Variants in NEK1 observed in about 807,000 individuals in gnomAD.
NEK1 encodes the protein serine/threonine-protein kinase Nek1.
NEK1 carries 137 observed loss-of-function variants against 182.1 expected under a neutral mutation model. The ratio of observed to expected loss-of-function variants is 0.75; its 90% CI spans 0.65 to 0.87. The LOEUF (loss-of-function observed/expected upper bound fraction) is 0.87, where lower values mean the gene tolerates loss of function less well. Among genes scored for constraint, NEK1 ranks in the 40% least tolerant of loss-of-function variants. The probability of loss-of-function intolerance (pLI) is 0.00; values close to 1 mark genes in which losing one functional copy is unlikely to be tolerated. For synonymous variants in NEK1, 513 were observed against 492.2 expected, an observed-to-expected ratio of 1.04 and a Z score of -0.56; for missense variants, 1,391 against 1,494.4, an observed-to-expected ratio of 0.93 and a Z score of 1.14.
intron 31 of NEK1, among the ~76,000 whole-genome samples, chr4:169,423,104 CTATT>C (rs1327656583): frequency 6.6e-6 from 1 of 152,052 alleles, no homozygotes; most frequent in African/African-American, 2.4e-5. Context: ...ATCAAAGTGA[CTATT>C]TATTATTTAT....
At chr4:169,588,308 G>A (rs1255049943) in intron 8 of NEK1, among the ~76,000 whole-genome samples, 1 of 152,090 alleles carries the variant, frequency 6.6e-6, no homozygotes, top group Non-Finnish European at 1.5e-5. Flanking sequence ...AAGACTAAGA[G>A]AATACCTAGA....
intron 19 of NEK1, among the ~76,000 whole-genome samples, chr4:169,515,357 T>C (rs139686386): frequency 6.6e-6 from 1 of 152,326 alleles, no homozygotes; most frequent in East Asian, 1.9e-4. Context: ...CTAGTAGTTC[T>C]ATCAATTGCT....
At chr4:169,515,091 T>C (rs1028512181) in intron 19 of NEK1, among the ~76,000 whole-genome samples, 10 of 152,180 alleles carry the variant, frequency 6.6e-5, no homozygotes, top group African/African-American at 2.2e-4. Context: ...TGACCCATGG[T>C]TTATTTAAAA....
intron 19 of NEK1, among the ~76,000 whole-genome samples, chr4:169,532,935 A>G (rs1197664491): frequency 1.3e-5 from 2 of 152,028 alleles, no homozygotes; most frequent in Non-Finnish European, 2.9e-5. Context: ...AGGAAAGGAA[A>G]GGAAAAAGGA....
chr4:169,601,957 G>T, intron 4 of NEK1, 51 bp downstream of exon 4: 2 of 1,307,840 alleles, frequency 1.5e-6, no homozygotes, highest in Non-Finnish European at 1.1e-6. Flanking sequence ...TTCACAAAAA[G>T]ATTTATTAAT....
intron 31 of NEK1, among the ~76,000 whole-genome samples, chr4:169,416,136 C>T (rs1482152354): frequency 6.6e-6 from 1 of 152,224 alleles, no homozygotes; most frequent in Non-Finnish European, 1.5e-5. Flanking sequence ...TTACCTCCTT[C>T]ACATCTGAGT....
intron 7 of NEK1, among the ~76,000 whole-genome samples, chr4:169,589,133 C>T (rs535052915): frequency 2.0e-5 from 3 of 152,118 alleles, no homozygotes; most frequent in Non-Finnish European, 2.9e-5. Context: ...CAAATATATA[C>T]CATTGTGTTA....
At chr4:169,556,738 T>TAAAAAAAAAAA (rs59615019) in intron 16 of NEK1, among the ~76,000 whole-genome samples, 1 of 116,104 alleles carries the variant, frequency 8.6e-6, no homozygotes. Context: ...CACAAAACAG[T>TAAAAAAAAAAA]AAAAAAAAAA....
At chr4:169,451,141 T>C (rs2149466182) in intron 27 of NEK1, among the ~76,000 whole-genome samples, 1 of 152,184 alleles carries the variant, frequency 6.6e-6, no homozygotes, top group South Asian at 2.1e-4. Flanking sequence ...TAAAGCAAGT[T>C]CTTAGATACC....
chr4:169,400,730 C>G, intron 33 of NEK1, 79 bp from the exon 34 acceptor site: 6 of 995,272 alleles, frequency 6.0e-6, no homozygotes, highest in Non-Finnish European at 8.5e-6. Flanking sequence ...AATTCTATGA[C>G]AAATGAATAA....
intron 24 of NEK1, chr4:169,478,510 A>C (rs1747392433): frequency 6.6e-6 from 1 of 152,106 alleles, no homozygotes; most frequent in Non-Finnish European, 1.5e-5. Flanking sequence ...AAAAGTGACT[A>C]AGCCTACTTG....
In NEK1 at chr4:169,507,754, T is replaced by C; in HGVS notation, c.1872A>G (p.Glu624=). The change falls in exon 22 of 36, where the codon GAA becomes GAG. Residue 624 remains glutamate, a synonymous_variant. Coordinates refer to ENST00000507142, the MANE Select transcript of NEK1 (RefSeq NM_001199397.3). ...ANHSEGQEGS[E]EADMRRKKIE... is the part of the protein sequence containing the mutation. ...TTTTTTTGCGCCTCATGTCAGCCTC[T>C]TCACTTCCTTCTTGTCCTTCAGAAT... 1 of 1,613,182 alleles carries C rather than the reference T, an allele frequency of 6.2e-7. No homozygotes were observed. Among genetic ancestry groups the C allele is most frequent in the African/African-American group, 1.3e-5 (1 of 75,036 alleles).
At chr4:169,531,869 T>G (rs541875888) in intron 19 of NEK1, among the ~76,000 whole-genome samples, 24 of 152,322 alleles carry the variant, frequency 1.6e-4, no homozygotes, top group Admixed American at 1.4e-3. Context: ...TAAAAGCATC[T>G]ATTTTGGAAA....
Position 169,597,673 on chromosome 4 carries a change from G to A in NEK1, c.312+1427C>T, listed in dbSNP as rs982662213. On this transcript the variant is annotated intron_variant, in intron 5 of 35. Transcript: ENST00000507142. ...ATCCCAGCCAGGCGCGGTGGCTCAC[G>A]CCTGTAATCCCAGCACTTTGGGAGA... Among the ~76,000 whole-genome samples the A allele has an allele frequency of 5.3e-5, 8 of 152,070 alleles. No homozygotes were observed. In the East Asian group the frequency reaches 1.2e-3, roughly 22 times the overall value.
intron 28 of NEK1, among the ~76,000 whole-genome samples, chr4:169,434,950 G>A (rs1006432478): frequency 2.6e-5 from 4 of 152,112 alleles, no homozygotes; most frequent in Admixed American, 6.5e-5. Context: ...TACCTGCAAA[G>A]CCTAGAATAT....
At chr4:169,606,896 A>C (rs1581118769) in intron 2 of NEK1, among the ~76,000 whole-genome samples, 1 of 152,372 alleles carries the variant, frequency 6.6e-6, no homozygotes, top group East Asian at 1.9e-4. Flanking sequence ...TGGGTTCTAC[A>C]TTCATCCCAG....
intron 27 of NEK1, among the ~76,000 whole-genome samples, chr4:169,458,660 T>C (rs1743360280): frequency 6.6e-6 from 1 of 151,878 alleles, no homozygotes; most frequent in South Asian, 2.1e-4. Flanking sequence ...AAACCCTCTC[T>C]CTACTAAAAA....
intron 4 of NEK1, 55 bp downstream of exon 4, chr4:169,601,953 A>G (rs1770568357): frequency 4.6e-6 from 6 of 1,293,512 alleles, no homozygotes; most frequent in East Asian, 4.6e-5. Context: ...TGCATTCACA[A>G]AAAGATTTAT....
intron 16 of NEK1, among the ~76,000 whole-genome samples, chr4:169,559,121 TAC>T (rs1016836840): frequency 6.6e-6 from 1 of 152,216 alleles, no homozygotes; most frequent in African/African-American, 2.4e-5. Context: ...ATCTATTCAG[TAC>T]ACAGTATGTA....
Sources: allele counts gnomAD v4.1 joint callset (sites outside exome capture counted in the v4.1 genomes callset), GRCh38; gene constraint gnomAD v4.1.1; transcripts MANE v1.5; gene names NCBI Gene and HGNC (gene_info 2026-07-23, HGNC 2026-07-21).